The following CLRN3 variants were observed in gnomAD, a reference collection of about 807,000 sequenced individuals.
CLRN3 encodes clarin 3.
A neutral mutation model predicts 16.7 loss-of-function variants in CLRN3; 12 were observed. The ratio of observed to expected loss-of-function variants is 0.72; its 90% CI spans 0.46 to 1.16. CLRN3 has a LOEUF of 1.16. Among genes scored for constraint, CLRN3 ranks in the 50% most tolerant of loss-of-function variants. The pLI, the probability that CLRN3 is intolerant of heterozygous loss-of-function variation, is 0.00. For synonymous variants in CLRN3, 118 were observed against 113.0 expected (o/e 1.04, Z -0.28); for missense variants, 296 against 274.2 (o/e 1.08, Z -0.56).
At chr10:127,891,848 A>G (rs968611484) in intron 1 of CLRN3, among the ~76,000 whole-genome samples, 4 of 152,240 alleles carry the variant, frequency 2.6e-5, no homozygotes, top group African/African-American at 9.6e-5. Context: ...TTAATGTGTT[A>G]CATAATTTAC....
Position 127,883,838 on chromosome 10 carries a change from CAG to C in CLRN3, c.265_266del (p.Leu89AlafsTer82), listed in dbSNP as rs1161466628. 36 of 1,614,102 alleles carry C rather than the reference CAG, an allele frequency of 2.2e-5. No individual in the cohort carries two copies. Among genetic ancestry groups the C allele is most frequent in the Non-Finnish European group, 3.0e-5 (35 of 1,180,048 alleles). ...CCAGGAACAGGATAGTCACCGAATG[CAG>C]AGTTTTTTGGGAAGAATTATTCAGT... ...EILNNSSQKT[L>X]HSVTILFLVL... On this transcript the variant is annotated frameshift_variant, in exon 2 of 3. Transcript: ENST00000368671. LOFTEE classifies it high-confidence loss of function.
chr10:127,879,121 T>C (rs1381368285), intron 2 of CLRN3, among the ~76,000 whole-genome samples: 7 of 152,214 alleles, frequency 4.6e-5, no homozygotes, highest in African/African-American at 1.7e-4. Context: ...TCTTTTTTGT[T>C]TGTTTTGAGA....
chr10:127,889,848 C>T (rs1845239246), intron 1 of CLRN3, among the ~76,000 whole-genome samples: 2 of 152,204 alleles, frequency 1.3e-5, no homozygotes, highest in Admixed American at 6.5e-5. Flanking sequence ...ATTTTCAAAA[C>T]ACAGAGTTAA....
rs765701577 is a variant in CLRN3, at chr10:127,892,625, C to T, written c.160G>A (p.Gly54Arg). ...TCACTACTCTCCCCACGAAAAAGTC[C>T]GTAAGTGATGAAAATGCTCCCATTT... ...ASNGSIFITY[G>R]LFRGESSEEL... The change falls in exon 1 of 3, where the codon GGA (glycine) becomes AGA (arginine). Residue 54 changes from glycine (G) to arginine (R), a missense_variant. Physicochemically the swap from Gly to Arg is moderately radical, Grantham distance 125. Transcript: ENST00000368671. 8.1e-6 allele frequency: 13 copies of T among 1,613,224 alleles called. No individual in the cohort carries two copies. The highest frequency in any genetic ancestry group is 6.7e-5 in the East Asian group (3 of 44,874).
At position 127,892,695 on chromosome 10, in the gene CLRN3, T is replaced by C. The variant is rs1194627264; in HGVS notation, c.90A>G (p.Thr30=). The C allele has an allele frequency of 1.2e-6, 2 of 1,612,606 alleles. No individual in the cohort carries two copies. Among genetic ancestry groups the C allele is most frequent in the East Asian group, 2.2e-5 (1 of 44,882 alleles). ...SFIVICSILG[T]QAWITSTIAV... ...CAATTGTACTGGTGATCCATGCTTGTGTCCCAAGAATAGAGCAAATTACAA... is the reference window on the plus strand; with the variant it reads ...CAATTGTACTGGTGATCCATGCTTGCGTCCCAAGAATAGAGCAAATTACAA... The change falls in exon 1 of 3, where the codon ACA becomes ACG. Residue 30 remains threonine, a synonymous_variant. Coordinates refer to ENST00000368671, the MANE Select transcript of CLRN3 (RefSeq NM_152311.5).
At chr10:127,887,636 TC>T (rs1845211279) in intron 1 of CLRN3, among the ~76,000 whole-genome samples, 1 of 152,190 alleles carries the variant, frequency 6.6e-6, no homozygotes, top group South Asian at 2.1e-4. Flanking sequence ...AAAATTATTT[TC>T]CGGCTTTCTG....
chr10:127,886,494 G>C (rs987524813), intron 1 of CLRN3, among the ~76,000 whole-genome samples: 1 of 152,192 alleles, frequency 6.6e-6, no homozygotes, highest in African/African-American at 2.4e-5. Flanking sequence ...AGACCGGGAG[G>C]GGGAGAAGCC....
chr10:127,881,308 C>T (rs1442358918), intron 2 of CLRN3, among the ~76,000 whole-genome samples: 1 of 152,178 alleles, frequency 6.6e-6, no homozygotes, highest in African/African-American at 2.4e-5. Context: ...GCTCTCAGGT[C>T]CCTGTTTCTC....
chr10:127,885,792 G>A (rs1845186847), intron 1 of CLRN3, among the ~76,000 whole-genome samples: 1 of 151,900 alleles, frequency 6.6e-6, no homozygotes, highest in South Asian at 2.1e-4. Flanking sequence ...TTTCACTCTT[G>A]TTGCCCAGGC....
intron 1 of CLRN3, among the ~76,000 whole-genome samples, chr10:127,885,805 G>A (rs1845186947): frequency 2.0e-5 from 3 of 152,222 alleles, no homozygotes; most frequent in South Asian, 4.2e-4. Context: ...GCCCAGGCTG[G>A]AGCGCAATGG....
chr10:127,879,627 G>A (rs1845103319), intron 2 of CLRN3, among the ~76,000 whole-genome samples: 1 of 152,104 alleles, frequency 6.6e-6, no homozygotes, highest in Non-Finnish European at 1.5e-5. Flanking sequence ...GGCTGGGAGG[G>A]GGTGATAGCT....
chr10:127,888,693 A>T (rs933472862), intron 1 of CLRN3, among the ~76,000 whole-genome samples: 1 of 152,096 alleles, frequency 6.6e-6, no homozygotes, highest in African/African-American at 2.4e-5. Context: ...CGGACGCAGC[A>T]CTCAAAGACC....
chr10:127,884,935 A>C (rs1483563531), intron 1 of CLRN3, among the ~76,000 whole-genome samples: 1 of 152,218 alleles, frequency 6.6e-6, no homozygotes. Context: ...GAAAGGGATT[A>C]GGGAGAAGAG....
chr10:127,884,815 TAAGCCCAGCC>T (rs1217158135), intron 1 of CLRN3, among the ~76,000 whole-genome samples: 2 of 152,160 alleles, frequency 1.3e-5, no homozygotes, highest in African/African-American at 2.4e-5. Context: ...CACTTACATG[TAAGCCCAGCC>T]CAGCCACGGG....
At chr10:127,882,370 G>C (rs1845138619) in intron 2 of CLRN3, among the ~76,000 whole-genome samples, 1 of 152,154 alleles carries the variant, frequency 6.6e-6, no homozygotes, top group East Asian at 1.9e-4. Flanking sequence ...CTGTAGTCCT[G>C]GCTTAATGCT....
chr10:127,879,797 G>A (rs953982907), intron 2 of CLRN3, among the ~76,000 whole-genome samples: 3 of 152,186 alleles, frequency 2.0e-5, no homozygotes, highest in African/African-American at 7.2e-5. Flanking sequence ...GCTGTTAAAA[G>A]AAAGGTTTTG....
At position 127,878,005 on chromosome 10, in the gene CLRN3, A is replaced by G. The variant is rs1845078445; in HGVS notation, c.*144T>C. On this transcript the variant is annotated 3_prime_UTR_variant, in exon 3 of 3. Coordinates refer to ENST00000368671, the MANE Select transcript of CLRN3 (RefSeq NM_152311.5). ...GAAAAATTTTCAGGAGTACAGCATC[A>G]ATGAAGAACACAGTGTCATGAAACA... is the stretch of plus-strand genomic sequence containing the variant. 9.8e-7 allele frequency: 1 copy of G among 1,023,094 alleles called. No homozygotes were observed. Among genetic ancestry groups the G allele is most frequent in the Non-Finnish European group, 1.4e-6 (1 of 712,318 alleles). 63.4% of individuals were successfully genotyped at this position (1,023,094 alleles called of 1,614,324 possible).
chr10:127,888,796 C>T (rs1845225897), intron 1 of CLRN3, among the ~76,000 whole-genome samples: 1 of 152,132 alleles, frequency 6.6e-6, no homozygotes, highest in Admixed American at 6.5e-5. Context: ...TTCAAGCAGG[C>T]CACATCCAAA....
chr10:127,884,017 G>T, intron 1 of CLRN3, 142 bp from the exon 2 acceptor site: 1 of 741,930 alleles, frequency 1.3e-6, no homozygotes, highest in Non-Finnish European at 2.3e-6. Flanking sequence ...TCCAACCCAT[G>T]CAAGAACAAG....
Sources: gnomAD v4.1 joint callset for allele counts (sites outside exome capture counted in the v4.1 genomes callset) on GRCh38, gnomAD v4.1.1 for gene constraint, MANE v1.5 for transcripts, NCBI Gene and HGNC (gene_info 2026-07-23, HGNC 2026-07-21) for gene names.